MAP2: variants seen among roughly 807,000 people sequenced by gnomAD.
The protein encoded by MAP2 is microtubule associated protein 2, also known as microtubule-associated protein 2.
Under a neutral mutation model 137.6 loss-of-function variants are expected in MAP2, and 14 were observed. That is an observed-to-expected ratio of 0.10 (90% CI 0.07 to 0.16). MAP2 has a LOEUF of 0.16. Among genes scored for constraint, MAP2 ranks in the 10% least tolerant of loss-of-function variants. MAP2 has a pLI of 1.00. For missense variants in MAP2, 2,088 were observed against 2,191.5 expected (o/e 0.95, Z 0.94); for synonymous variants, 786 against 782.3 (o/e 1.00, Z -0.08).
chr2:209,425,014 C>T (rs1692151431), intron 1 of MAP2, among the ~76,000 whole-genome samples: 1 of 151,970 alleles, frequency 6.6e-6, no homozygotes, highest in South Asian at 2.1e-4. Flanking sequence ...TGGCTGCCTG[C>T]CTTCCCCCAC....
intron 2 of MAP2, among the ~76,000 whole-genome samples, chr2:209,556,694 G>A (rs2070756064): frequency 6.9e-6 from 1 of 144,378 alleles, no homozygotes. Context: ...ATTACACAGT[G>A]AAAGAAACAA....
intron 4 of MAP2, among the ~76,000 whole-genome samples, chr2:209,626,926 TG>T (rs2092407509): frequency 6.6e-6 from 1 of 152,204 alleles, no homozygotes; most frequent in Non-Finnish European, 1.5e-5. Flanking sequence ...TTGAGATTTA[TG>T]TATAAGGAAT....
chr2:209,692,603 A>G (rs1345787840), intron 7 of MAP2, 22 bp from the exon 8 acceptor site: 11 of 1,531,444 alleles, frequency 7.2e-6, no homozygotes, highest in Non-Finnish European at 7.9e-6. Flanking sequence ...TATTTGTTTA[A>G]AAATCAACCC....
intron 2 of MAP2, among the ~76,000 whole-genome samples, chr2:209,509,368 T>C (rs1014419625): frequency 1.3e-5 from 2 of 151,932 alleles, no homozygotes; most frequent in Non-Finnish European, 2.9e-5. Context: ...TTGCCTATTT[T>C]CAAATAAATA....
intron 3 of MAP2, among the ~76,000 whole-genome samples, chr2:209,622,506 T>G (rs1470124905): frequency 2.0e-5 from 3 of 152,220 alleles, no homozygotes; most frequent in African/African-American, 7.2e-5. Flanking sequence ...AATAAATTAC[T>G]TAATATATAT....
At chr2:209,430,169 C>A (rs1429231013) in intron 1 of MAP2, among the ~76,000 whole-genome samples, 6 of 149,308 alleles carry the variant, frequency 4.0e-5, no homozygotes, top group African/African-American at 1.5e-4. Context: ...AATAGGTCAT[C>A]TAGTATAGCC....
intron 2 of MAP2, among the ~76,000 whole-genome samples, chr2:209,527,823 G>A (rs1486720786): frequency 6.6e-6 from 1 of 152,126 alleles, no homozygotes; most frequent in Non-Finnish European, 1.5e-5. Flanking sequence ...GCTGCAGCTC[G>A]GTAACCTGCG....
At chr2:209,661,613 G>C (rs1253293546) in intron 5 of MAP2, 1 of 985,348 alleles carries the variant, frequency 1.0e-6, no homozygotes, top group Admixed American at 6.1e-5. Flanking sequence ...TCCTTCTAAA[G>C]GTTAGGCATC....
intron 2 of MAP2, among the ~76,000 whole-genome samples, chr2:209,524,047 T>G (rs2063663589): frequency 6.6e-6 from 1 of 152,162 alleles, no homozygotes; most frequent in Non-Finnish European, 1.5e-5. Flanking sequence ...GCTTTTTTTT[T>G]TATTAAATGC....
At chr2:209,569,893 A>G (rs1459519793) in intron 2 of MAP2, among the ~76,000 whole-genome samples, 1 of 151,842 alleles carries the variant, frequency 6.6e-6, no homozygotes, top group Non-Finnish European at 1.5e-5. Flanking sequence ...AGATGTTTCA[A>G]AACAATCATA....
At chr2:209,660,463 G>C (rs1039087780) in intron 5 of MAP2, among the ~76,000 whole-genome samples, 50 of 142,148 alleles carry the variant, frequency 3.5e-4, no homozygotes, top group Admixed American at 2.7e-3. Context: ...GCGCGATCTC[G>C]GCACACTGCA....
At chr2:209,471,751 G>A (rs1445887232) in intron 1 of MAP2, among the ~76,000 whole-genome samples, 10 of 148,724 alleles carry the variant, frequency 6.7e-5, no homozygotes, top group Non-Finnish European at 1.3e-4. Flanking sequence ...TAAAAATATA[G>A]TTCCTTGAGA....
At chr2:209,661,111 C>G (rs2043402046) in intron 5 of MAP2, among the ~76,000 whole-genome samples, 1 of 152,088 alleles carries the variant, frequency 6.6e-6, no homozygotes, top group Admixed American at 6.6e-5. Flanking sequence ...ATGCAAAAAG[C>G]TGCATATGCC....
intron 3 of MAP2, among the ~76,000 whole-genome samples, chr2:209,605,636 A>T (rs2084423210): frequency 6.6e-6 from 1 of 152,158 alleles, no homozygotes; most frequent in African/African-American, 2.4e-5. Context: ...CATGCTCCTT[A>T]AAAAGGCTGT....
chr2:209,654,066 A>T (rs1020695460), intron 5 of MAP2, among the ~76,000 whole-genome samples: 2 of 152,204 alleles, frequency 1.3e-5, no homozygotes, highest in African/African-American at 4.8e-5. Flanking sequence ...TTTAAAGCAG[A>T]TTATTTCTGC....
intron 5 of MAP2, among the ~76,000 whole-genome samples, chr2:209,671,822 G>T (rs77619504): frequency 2.0e-5 from 3 of 151,706 alleles, no homozygotes; most frequent in Non-Finnish European, 4.4e-5. Flanking sequence ...ACCTTTGCAC[G>T]TTCAAGTAAT....
intron 2 of MAP2, among the ~76,000 whole-genome samples, chr2:209,550,526 C>T (rs1383117641): frequency 6.6e-6 from 1 of 152,014 alleles, no homozygotes; most frequent in Non-Finnish European, 1.5e-5. Context: ...TTACTCTAAA[C>T]CTGAAATAAT....
chr2:209,486,397 G>C (rs1300465781), intron 1 of MAP2, among the ~76,000 whole-genome samples: 1 of 151,964 alleles, frequency 6.6e-6, no homozygotes, highest in East Asian at 1.9e-4. Context: ...CTAGTTTTTT[G>C]TATTTTAGTA....
intron 1 of MAP2, among the ~76,000 whole-genome samples, chr2:209,435,947 C>CAG (rs1574785454): frequency 1.9e-5 from 1 of 53,850 alleles, no homozygotes; most frequent in Admixed American, 2.8e-4. Flanking sequence ...ATAATATATA[C>CAG]TATATATACA....
Sources: gnomAD v4.1 joint callset for allele counts (sites outside exome capture counted in the v4.1 genomes callset) on GRCh38, gnomAD v4.1.1 for gene constraint, MANE v1.5 for transcripts, NCBI Gene and HGNC (gene_info 2026-07-23, HGNC 2026-07-21) for gene names.